PLA2G4C: variants seen among roughly 807,000 people sequenced by gnomAD.
PLA2G4C encodes the protein cytosolic phospholipase A2 gamma.
A neutral mutation model predicts 73.8 loss-of-function variants in PLA2G4C; 64 were observed. The ratio of observed to expected loss-of-function variants is 0.87; its 90% CI spans 0.71 to 1.07. The LOEUF (loss-of-function observed/expected upper bound fraction) is 1.07, where lower values mean the gene tolerates loss of function less well. Ranked by LOEUF, PLA2G4C falls within the 50% of genes least tolerant of loss-of-function variation. The pLI is 0.00. For synonymous variants in PLA2G4C, 254 were observed against 252.1 expected (o/e 1.01, Z -0.07); for missense variants, 622 against 665.4 (o/e 0.93, Z 0.72).
Position 48,074,208 on chromosome 19 carries a change from C to G in PLA2G4C, c.1006+559G>C, listed in dbSNP as rs550941397. On this transcript the variant is annotated intron_variant, in intron 12 of 16. Coordinates refer to ENST00000599921, the MANE Select transcript of PLA2G4C (RefSeq NM_003706.3). ...GTCCATGTGTTCTCATCATTCAGCTCCCACTTATAAGTGAGAACATGTGGT... is the reference window on the plus strand; with the variant it reads ...GTCCATGTGTTCTCATCATTCAGCTGCCACTTATAAGTGAGAACATGTGGT... Among the ~76,000 whole-genome samples the G allele has an allele frequency of 3.0e-4, 45 of 152,148 alleles. No individual in the cohort carries two copies. The South Asian group carries it at 5.4e-3, about 18-fold the overall frequency.
At chr19:48,103,854 C>G (rs1255904436) in intron 4 of PLA2G4C, among the ~76,000 whole-genome samples, 1 of 152,044 alleles carries the variant, frequency 6.6e-6, no homozygotes, top group Non-Finnish European at 1.5e-5. Flanking sequence ...GGTGTTTTCC[C>G]CTGCTTCCTG....
chr19:48,075,279 T>C (rs2030072173), intron 11 of PLA2G4C, among the ~76,000 whole-genome samples: 1 of 150,834 alleles, frequency 6.6e-6, no homozygotes, highest in African/African-American at 2.5e-5. Flanking sequence ...TGCCTCCCAG[T>C]TTCAAGAAAT....
Position 48,068,170 on chromosome 19 carries a change from TGGC to T in PLA2G4C, c.1007-287_1007-285del, listed in dbSNP as rs1968515759. On this transcript the variant is annotated intron_variant, in intron 12 of 16. Transcript: ENST00000599921. ...TACAAAAATTAGCTGGGCGTGGTGG[TGGC>T]GCATGCCTGTAGTCCCAGCTACTGG... Among the ~76,000 whole-genome samples, 2 of 152,058 alleles carry T rather than the reference TGGC, an allele frequency of 1.3e-5. 1 individual carries two copies. Among genetic ancestry groups the T allele is most frequent in the South Asian group, 4.1e-4 (2 of 4,824 alleles).
rs2031227252 is a variant in PLA2G4C at position 48,090,380 on chromosome 19, A to G, written c.747T>C (p.Ile249=). The change falls in exon 8 of 17, where the codon ATT becomes ATC. Residue 249 remains isoleucine (I), a synonymous_variant. Coordinates refer to ENST00000599921, the MANE Select transcript of PLA2G4C (RefSeq NM_003706.3). ...WGSALGNTEV[I]REYIFDQLRN... ...AATACTCACCAAAAATGTATTCCCT[A>G]ATGACTTCAGTGTTACCAAGAGCAC... 1.2e-6 allele frequency: 2 copies of G among 1,611,892 alleles called. No homozygotes were observed. The highest frequency in any genetic ancestry group is 1.7e-6 in the Non-Finnish European group (2 of 1,177,966).
intron 13 of PLA2G4C, among the ~76,000 whole-genome samples, chr19:48,062,621 CAAAT>C (rs976256796): frequency 6.6e-6 from 1 of 151,944 alleles, no homozygotes; most frequent in Non-Finnish European, 1.5e-5. Context: ...AATAAATAAA[CAAAT>C]AAACAGACAA....
Position 48,105,422 on chromosome 19 carries a change from C to A in PLA2G4C, c.31G>T (p.Gly11Trp), listed in dbSNP as rs770533759. ...GCCGCCTTTTCTTCTTTCTGGAGCC[C>A]AGGAATTATGGAAACTTCAGAGCTT... MGSSEVSIIP[G>W]LQKEEKAAVE... is the part of the protein sequence containing the mutation. Residue 11 changes from glycine to tryptophan, a missense_variant, in exon 3 of 17, where the codon GGG becomes TGG. By Grantham distance (184) the Gly-to-Trp change is radical. Coordinates refer to ENST00000599921, the MANE Select transcript of PLA2G4C (RefSeq NM_003706.3). 1 of 1,613,520 alleles carries A rather than the reference C, an allele frequency of 6.2e-7. No individual in the cohort carries two copies. The highest frequency in any genetic ancestry group is 2.2e-5 in the East Asian group (1 of 44,868).
chr19:48,068,738 A>G (rs2122521916), intron 12 of PLA2G4C, among the ~76,000 whole-genome samples: 1 of 151,620 alleles, frequency 6.6e-6, no homozygotes, highest in African/African-American at 2.4e-5. Flanking sequence ...ATCTAAAAAA[A>G]AAAAAAAAAG....
intron 11 of PLA2G4C, among the ~76,000 whole-genome samples, chr19:48,076,182 C>G (rs1427372189): frequency 6.6e-6 from 1 of 152,234 alleles, no homozygotes; most frequent in East Asian, 1.9e-4. Flanking sequence ...AAGGGCTGTG[C>G]TCAGGACCTA....
chr19:48,093,816 A>C (rs989159661), intron 7 of PLA2G4C, among the ~76,000 whole-genome samples: 3 of 152,196 alleles, frequency 2.0e-5, no homozygotes, highest in Non-Finnish European at 4.4e-5. Context: ...TCATGGGGGC[A>C]GATCCCCCCA....
At chr19:48,100,620 A>AAAG (rs1555754551) in intron 4 of PLA2G4C, among the ~76,000 whole-genome samples, 6 of 146,008 alleles carry the variant, frequency 4.1e-5, no homozygotes, top group African/African-American at 1.5e-4. Context: ...AAAAAAAAAA[A>AAAG]AAAAAAAAGC....
At position 48,110,693 on chromosome 19, in the gene PLA2G4C, C is replaced by G; in HGVS notation, c.-239G>C. On this transcript the variant is annotated 5_prime_UTR_variant, in exon 1 of 17. Transcript: ENST00000599921. Reference sequence around the variant, plus strand: ...TCCTTTTCCCCCTGTGGGAGGAGGTCGCGGGCTGGAGGTGTTTCCTCCTGG... The same window carrying G: ...TCCTTTTCCCCCTGTGGGAGGAGGTGGCGGGCTGGAGGTGTTTCCTCCTGG... 1.9e-6 allele frequency: 1 copy of G among 528,154 alleles called. No homozygotes were observed. 32.7% of individuals were successfully genotyped at this position (528,154 alleles called of 1,614,324 possible). A position where few individuals can be genotyped will look rare whatever the true frequency, so the allele number is the denominator to read the frequency against.
intron 2 of PLA2G4C, among the ~76,000 whole-genome samples, chr19:48,105,734 T>G (rs1600265434): frequency 6.7e-6 from 1 of 149,996 alleles, no homozygotes; most frequent in South Asian, 2.1e-4. Context: ...GTGAGGTGGG[T>G]GGATCACTTG....
chr19:48,098,101 C>A, intron 6 of PLA2G4C, 38 bp downstream of exon 6: 1 of 1,607,198 alleles, frequency 6.2e-7, no homozygotes, highest in South Asian at 1.1e-5. Flanking sequence ...GCTGTTCCAT[C>A]CCTTACTACC....
At chr19:48,104,816 C>G in intron 3 of PLA2G4C, 92 bp from the exon 4 acceptor site, 1 of 1,290,042 alleles carries the variant, frequency 7.8e-7, no homozygotes, top group South Asian at 1.3e-5. Context: ...GGCACCGTGG[C>G]TCACGCCTGT....
At chr19:48,105,947 C>CTTCTTTCTTTCTTTCTTTCTTTCT (rs1216106059) in intron 2 of PLA2G4C, among the ~76,000 whole-genome samples, 14 of 9,162 alleles carry the variant, frequency 1.5e-3, no homozygotes, top group Non-Finnish European at 2.0e-3. Context: ...CCCTCCCTCC[C>CTTCTTTCTTTCTTTCTTTCTTTCT]TTCTTTCTTT....
chr19:48,098,487 G>A (rs920996871), intron 5 of PLA2G4C, among the ~76,000 whole-genome samples: 2 of 151,266 alleles, frequency 1.3e-5, no homozygotes, highest in African/African-American at 2.4e-5. Flanking sequence ...CACCATGCCC[G>A]GCTAATTTAT....
intron 12 of PLA2G4C, among the ~76,000 whole-genome samples, chr19:48,074,279 C>T (rs1297328628): frequency 6.6e-6 from 1 of 152,154 alleles, no homozygotes; most frequent in Non-Finnish European, 1.5e-5. Flanking sequence ...ATAATGACTT[C>T]CAGCTCCACC....
intron 4 of PLA2G4C, 121 bp downstream of exon 4, chr19:48,104,467 A>G (rs918051196): frequency 3.3e-6 from 3 of 911,108 alleles, no homozygotes; most frequent in African/African-American, 3.3e-5. Flanking sequence ...TAGGACACCC[A>G]GCTAGTACCA....
At chr19:48,090,334 G>A (rs3745741) in intron 8 of PLA2G4C, 30 bp downstream of exon 8, 1 of 1,500,184 alleles carries the variant, frequency 6.7e-7, no homozygotes, top group Non-Finnish European at 9.3e-7. Context: ...TATCTCTAGG[G>A]TTTGACCTTT....
Sources: gnomAD v4.1 joint callset for allele counts (sites outside exome capture counted in the v4.1 genomes callset) on GRCh38, gnomAD v4.1.1 for gene constraint, MANE v1.5 for transcripts, NCBI Gene and HGNC (gene_info 2026-07-23, HGNC 2026-07-21) for gene names.